STX6: variants seen among roughly 807,000 people sequenced by gnomAD.
The protein encoded by STX6 is syntaxin 6.
A neutral mutation model predicts 38.0 loss-of-function variants in STX6; 23 were observed. That is an observed-to-expected ratio of 0.60 (90% CI 0.43 to 0.86). STX6 has a LOEUF of 0.86. Ranked by LOEUF, STX6 falls within the 40% of genes least tolerant of loss-of-function variation. The pLI, the probability that STX6 is intolerant of heterozygous loss-of-function variation, is 0.00. For synonymous variants in STX6, 123 were observed against 107.5 expected, an observed-to-expected ratio of 1.14 and a Z score of -0.89; for missense variants, 274 against 312.9, an observed-to-expected ratio of 0.88 and a Z score of 0.94.
At chr1:180,977,510 ATGC>A (rs1324955407) in intron 7 of STX6, among the ~76,000 whole-genome samples, 1 of 152,242 alleles carries the variant, frequency 6.6e-6, no homozygotes, top group East Asian at 1.9e-4. Flanking sequence ...GGCACAGAGG[ATGC>A]TGTCAACATC....
intron 7 of STX6, among the ~76,000 whole-genome samples, chr1:180,979,680 T>G (rs1400809635): frequency 6.6e-6 from 1 of 152,188 alleles, no homozygotes; most frequent in South Asian, 2.1e-4. Flanking sequence ...ATCCATGAAA[T>G]AAATAATTGA....
chr1:180,976,487 A>G lies in STX6; in HGVS notation c.*83T>C. 8.5e-7 allele frequency: 1 copy of G among 1,179,946 alleles called. No individual in the cohort carries two copies. The highest frequency in any genetic ancestry group is 1.3e-6 in the Non-Finnish European group (1 of 790,602). 73.1% of individuals were successfully genotyped at this position (1,179,946 alleles called of 1,614,324 possible). A position where few individuals can be genotyped will look rare whatever the true frequency, so the allele number is the denominator to read the frequency against. ...ATGTTTCCAGGATAGGAATGTGAGTAGACGGCAATGTCACACGTGCTCAGC... is the reference window on the plus strand; with the variant it reads ...ATGTTTCCAGGATAGGAATGTGAGTGGACGGCAATGTCACACGTGCTCAGC... On this transcript the variant is annotated 3_prime_UTR_variant, in exon 8 of 8. Transcript: ENST00000258301.
intron 7 of STX6, among the ~76,000 whole-genome samples, chr1:180,980,378 C>A (rs1655372957): frequency 6.6e-6 from 1 of 151,958 alleles, no homozygotes; most frequent in South Asian, 2.1e-4. Flanking sequence ...GGATGTGGAG[C>A]AATATTAACT....
At chr1:180,984,188 G>A (rs531024294) in intron 7 of STX6, among the ~76,000 whole-genome samples, 76 of 147,398 alleles carry the variant, frequency 5.2e-4, no homozygotes, top group South Asian at 2.0e-3. Context: ...AGAAGATAAA[G>A]ACTGCACATA....
At chr1:180,997,347 G>A (rs1432869941) in intron 3 of STX6, among the ~76,000 whole-genome samples, 1 of 152,154 alleles carries the variant, frequency 6.6e-6, no homozygotes, top group Non-Finnish European at 1.5e-5. Flanking sequence ...GTGCAACCGA[G>A]GAACTGAATT....
At chr1:181,005,802 C>T (rs1297524628) in intron 1 of STX6, among the ~76,000 whole-genome samples, 3 of 152,122 alleles carry the variant, frequency 2.0e-5, no homozygotes, top group South Asian at 4.2e-4. Context: ...TGAGCATTCC[C>T]ACATGCTTCC....
At chr1:180,978,003 G>T (rs539050054) in intron 7 of STX6, among the ~76,000 whole-genome samples, 4 of 152,312 alleles carry the variant, frequency 2.6e-5, no homozygotes, top group African/African-American at 9.6e-5. Flanking sequence ...ATCACTCGTT[G>T]TTCTCAGGTA....
intron 2 of STX6, among the ~76,000 whole-genome samples, chr1:181,003,800 G>A (rs1656150012): frequency 2.0e-5 from 3 of 152,300 alleles, no homozygotes; most frequent in East Asian, 1.9e-4. Flanking sequence ...GCTATATAAT[G>A]AAGTTTTTAC....
chr1:180,998,007 A>C (rs1429189598), intron 3 of STX6, among the ~76,000 whole-genome samples: 2 of 152,252 alleles, frequency 1.3e-5, no homozygotes, highest in Admixed American at 6.5e-5. Context: ...TAAGAAAATA[A>C]AATGCTATGA....
At position 180,993,392 on chromosome 1, in the gene STX6, G is replaced by T; in HGVS notation, c.334C>A (p.Gln112Lys). 6.3e-7 allele frequency: 1 copy of T among 1,598,126 alleles called. No individual in the cohort carries two copies. Among genetic ancestry groups the T allele is most frequent in the Non-Finnish European group, 8.6e-7 (1 of 1,166,878 alleles). Reference sequence around the variant, plus strand: ...CTATTTTTTCTTTCAGCTAATGCCTGCACAGATGAAGTTGACATCTGATCT... The same window carrying T: ...CTATTTTTTCTTTCAGCTAATGCCTTCACAGATGAAGTTGACATCTGATCT... ...MKDQMSTSSV[Q>K]ALAERKNRQA... Residue 112 changes from glutamine to lysine, a missense_variant, in exon 4 of 8, where the codon CAG (glutamine) becomes AAG (lysine). Transcript: ENST00000258301.
At position 180,973,298 on chromosome 1, in the gene STX6, T is replaced by C. The variant is rs777744737; in HGVS notation, c.*3272A>G. 3 of 152,376 alleles carry C rather than the reference T, an allele frequency of 2.0e-5. No individual in the cohort carries two copies. Among genetic ancestry groups the C allele is most frequent in the Non-Finnish European group, 4.4e-5 (3 of 68,040 alleles). The allele number at this position is 152,376 out of a possible 1,614,324, so 9.4% of individuals were successfully genotyped here. A position where few individuals can be genotyped will look rare whatever the true frequency, so the allele number is the denominator to read the frequency against. ...AAAGCCATTCATATTTATCATTCAATTTTTTGATCTTCAAATGTTATGAAT... is the reference window on the plus strand; with the variant it reads ...AAAGCCATTCATATTTATCATTCAACTTTTTGATCTTCAAATGTTATGAAT... On this transcript the variant is annotated 3_prime_UTR_variant, in exon 8 of 8. Transcript: ENST00000258301.
intron 7 of STX6, among the ~76,000 whole-genome samples, chr1:180,982,357 A>G (rs1325615967): frequency 2.0e-5 from 3 of 152,206 alleles, no homozygotes; most frequent in Admixed American, 2.0e-4. Flanking sequence ...TTGGGTAGCA[A>G]GCAAAGATTA....
rs1446865010 is a variant in STX6, at chr1:180,974,914, C to A, written c.*1656G>T. The A allele has an allele frequency of 6.6e-6, 1 of 152,580 alleles. No individual in the cohort carries two copies. Among genetic ancestry groups the A allele is most frequent in the African/African-American group, 2.4e-5 (1 of 41,428 alleles). The allele number at this position is 152,580 out of a possible 1,614,324, so 9.5% of individuals were successfully genotyped here. ...TTTGCTTTTAGCTTTCATCAACAGG[C>A]ATATTTTCTTAACCTACCATGATCT... On this transcript the variant is annotated 3_prime_UTR_variant, in exon 8 of 8. Transcript: ENST00000258301.
chr1:181,006,478 G>T (rs10910848), intron 1 of STX6, among the ~76,000 whole-genome samples: 1,551 of 149,906 alleles, frequency 0.01, 22 homozygotes, highest in African/African-American at 0.036. Context: ...CCCACCATTG[G>T]GCCAATATCC....
chr1:180,978,098 A>G (rs1655304531), intron 7 of STX6, among the ~76,000 whole-genome samples: 1 of 152,234 alleles, frequency 6.6e-6, no homozygotes, highest in African/African-American at 2.4e-5. Flanking sequence ...TCAATGGTCA[A>G]GAAAACTTTT....
At chr1:180,976,872 G>C (rs77662100) in intron 7 of STX6, among the ~76,000 whole-genome samples, 53 of 152,250 alleles carry the variant, frequency 3.5e-4, no homozygotes, top group African/African-American at 1.2e-3. Context: ...AAAATGTCTC[G>C]TAATAATTAC....
At chr1:181,010,482 A>G (rs1571350419) in intron 1 of STX6, among the ~76,000 whole-genome samples, 1 of 152,062 alleles carries the variant, frequency 6.6e-6, no homozygotes, top group Non-Finnish European at 1.5e-5. Flanking sequence ...TCATATTTTT[A>G]GTAGAAACAG....
intron 1 of STX6, among the ~76,000 whole-genome samples, chr1:181,009,507 C>T (rs532173559): frequency 6.7e-6 from 1 of 149,384 alleles, no homozygotes; most frequent in South Asian, 2.1e-4. Flanking sequence ...TTTGACCAGT[C>T]ACTTCACCAA....
chr1:181,009,399 G>A (rs1048073680), intron 1 of STX6, among the ~76,000 whole-genome samples: 1 of 151,102 alleles, frequency 6.6e-6, no homozygotes, highest in Admixed American at 6.6e-5. Flanking sequence ...ATCCTGGGAG[G>A]CAGAGGTTGC....
Sources: gnomAD v4.1 joint callset for allele counts (sites outside exome capture counted in the v4.1 genomes callset) on GRCh38, gnomAD v4.1.1 for gene constraint, MANE v1.5 for transcripts, NCBI Gene and HGNC (gene_info 2026-07-23, HGNC 2026-07-21) for gene names.